The following NDUFAF2 variants were observed in gnomAD, a reference collection of about 807,000 sequenced individuals.
NDUFAF2 encodes the protein NADH dehydrogenase [ubiquinone] 1 alpha subcomplex assembly factor 2.
Under a neutral mutation model 22.8 loss-of-function variants are expected in NDUFAF2, and 13 were observed. The ratio of observed to expected loss-of-function variants is 0.57; its 90% CI spans 0.37 to 0.91. The LOEUF (loss-of-function observed/expected upper bound fraction) is 0.91, where lower values mean the gene tolerates loss of function less well. NDUFAF2 is among the 40% of genes least tolerant of loss of function. The pLI, the probability that NDUFAF2 is intolerant of heterozygous loss-of-function variation, is 0.01. For synonymous variants in NDUFAF2, 53 were observed against 64.2 expected (o/e 0.83, Z 0.84); for missense variants, 162 against 195.2 (o/e 0.83, Z 1.01).
At chr5:60,997,513 A>T (rs1167265324) in intron 1 of NDUFAF2, among the ~76,000 whole-genome samples, 1 of 152,226 alleles carries the variant, frequency 6.6e-6, no homozygotes, top group Non-Finnish European at 1.5e-5. Flanking sequence ...GATGGAATTT[A>T]AAAACTTTAT....
At chr5:61,106,583 A>G (rs981367125) in intron 3 of NDUFAF2, among the ~76,000 whole-genome samples, 1 of 151,344 alleles carries the variant, frequency 6.6e-6, no homozygotes, top group African/African-American at 2.5e-5. Context: ...TTTGAAATAT[A>G]CAATAAATTA....
chr5:61,081,649 C>G (rs1398392012), intron 2 of NDUFAF2, among the ~76,000 whole-genome samples: 5 of 152,190 alleles, frequency 3.3e-5, no homozygotes, highest in Non-Finnish European at 7.4e-5. Flanking sequence ...AGACAAACCT[C>G]TATAGTTTTT....
At chr5:61,151,770 G>A (rs1242848243) in intron 3 of NDUFAF2, among the ~76,000 whole-genome samples, 1 of 150,036 alleles carries the variant, frequency 6.7e-6, no homozygotes, top group Admixed American at 6.7e-5. Flanking sequence ...CTCCAGCCTG[G>A]GCAACAAGAG....
intron 1 of NDUFAF2, among the ~76,000 whole-genome samples, chr5:60,958,256 T>C (rs1187387993): frequency 1.3e-5 from 2 of 152,176 alleles, no homozygotes; most frequent in Non-Finnish European, 2.9e-5. Context: ...CTTTTAATGG[T>C]ACCTTTGTTT....
Position 61,122,369 on chromosome 5 carries a change from G to C in NDUFAF2, c.258+23337G>C, listed in dbSNP as rs1328009176. Among the ~76,000 whole-genome samples, 3 of 152,220 alleles carry C rather than the reference G, an allele frequency of 2.0e-5. No individual in the cohort carries two copies. The East Asian group carries it at 5.8e-4, about 29-fold the overall frequency. On this transcript the variant is annotated intron_variant, in intron 3 of 3. Transcript: ENST00000296597. ...AATCTAATGAACTGGTATATAAAGT[G>C]TTTAGCCAGTGCATAACAAAATATG...
intron 2 of NDUFAF2, among the ~76,000 whole-genome samples, chr5:61,085,671 A>G (rs567920505): frequency 1.1e-4 from 16 of 152,326 alleles, no homozygotes; most frequent in Middle Eastern, 6.8e-3. Flanking sequence ...TTCAAGATAC[A>G]GGGGAATATA....
chr5:60,951,339 C>G (rs1750545302), intron 1 of NDUFAF2, among the ~76,000 whole-genome samples: 1 of 152,128 alleles, frequency 6.6e-6, no homozygotes, highest in African/African-American at 2.4e-5. Context: ...CATCTACTTT[C>G]TTTTTATTGC....
intron 1 of NDUFAF2, among the ~76,000 whole-genome samples, chr5:61,042,133 A>G (rs1216900768): frequency 6.6e-6 from 1 of 152,194 alleles, no homozygotes; most frequent in Admixed American, 6.6e-5. Context: ...AGTAACTTTG[A>G]TAGCACTGTT....
chr5:60,960,262 C>T (rs534292034), intron 1 of NDUFAF2, among the ~76,000 whole-genome samples: 1 of 152,122 alleles, frequency 6.6e-6, no homozygotes, highest in South Asian at 2.1e-4. Flanking sequence ...TCAATAATAA[C>T]AATAATGAGA....
chr5:61,118,363 G>A (rs564904181), intron 3 of NDUFAF2, among the ~76,000 whole-genome samples: 82 of 152,256 alleles, frequency 5.4e-4, no homozygotes, highest in African/African-American at 1.7e-3. Flanking sequence ...GCCAGGCTCC[G>A]TGCCTTATAT....
chr5:61,101,267 A>G (rs1215529141), intron 3 of NDUFAF2, among the ~76,000 whole-genome samples: 2 of 152,152 alleles, frequency 1.3e-5, no homozygotes, highest in Non-Finnish European at 2.9e-5. Context: ...CTTCAGCCCC[A>G]TATATCCCAT....
chr5:61,097,082 A>G (rs1360529231), intron 2 of NDUFAF2, among the ~76,000 whole-genome samples: 1 of 152,204 alleles, frequency 6.6e-6, no homozygotes, highest in Non-Finnish European at 1.5e-5. Flanking sequence ...GGATAAGTGC[A>G]AGAGAGAATA....
intron 3 of NDUFAF2, among the ~76,000 whole-genome samples, chr5:61,113,413 C>T (rs183569094): frequency 5.9e-5 from 9 of 152,188 alleles, no homozygotes; most frequent in East Asian, 1.9e-4. Flanking sequence ...AAGCTATTTT[C>T]GCTGGGTATT....
At chr5:61,067,509 A>G (rs1752245819) in intron 1 of NDUFAF2, among the ~76,000 whole-genome samples, 1 of 152,062 alleles carries the variant, frequency 6.6e-6, no homozygotes, top group African/African-American at 2.4e-5. Context: ...TTATGGCTGC[A>G]TAGTATTCCG....
intron 3 of NDUFAF2, among the ~76,000 whole-genome samples, chr5:61,119,184 GTA>G (rs1752948282): frequency 6.6e-6 from 1 of 152,144 alleles, no homozygotes; most frequent in African/African-American, 2.4e-5. Context: ...GAACGAATCA[GTA>G]TAGTTTAGTT....
chr5:61,136,613 A>G (rs570873525), intron 3 of NDUFAF2, among the ~76,000 whole-genome samples: 2 of 152,266 alleles, frequency 1.3e-5, no homozygotes, highest in South Asian at 4.1e-4. Context: ...CCAGGATCTG[A>G]GACAAGGATT....
chr5:60,987,235 T>C (rs1751094340), intron 1 of NDUFAF2, among the ~76,000 whole-genome samples: 1 of 152,030 alleles, frequency 6.6e-6, no homozygotes, highest in Admixed American at 6.6e-5. Flanking sequence ...AGGAAGAAAT[T>C]GAATCCCTGA....
At chr5:60,960,054 C>A (rs566724928) in intron 1 of NDUFAF2, among the ~76,000 whole-genome samples, 51 of 152,132 alleles carry the variant, frequency 3.4e-4, no homozygotes, top group African/African-American at 1.2e-3. Flanking sequence ...AGTTAAGGAA[C>A]CTTAATCTTG....
intron 1 of NDUFAF2, among the ~76,000 whole-genome samples, chr5:60,972,339 T>C (rs190220696): frequency 6.6e-6 from 1 of 152,074 alleles, no homozygotes; most frequent in East Asian, 1.9e-4. Flanking sequence ...TCCCCACTTG[T>C]CAAGGGCGGG....
Sources: gnomAD v4.1 joint callset for allele counts (sites outside exome capture counted in the v4.1 genomes callset) on GRCh38, gnomAD v4.1.1 for gene constraint, MANE v1.5 for transcripts, NCBI Gene and HGNC (gene_info 2026-07-23, HGNC 2026-07-21) for gene names.